Variants in PMS1 observed in about 807,000 individuals in gnomAD.
PMS1 encodes PMS1 protein homolog 1.
Under a neutral mutation model 93.1 loss-of-function variants are expected in PMS1, and 79 were observed. The ratio of observed to expected loss-of-function variants is 0.85; its 90% CI spans 0.71 to 1.02. PMS1 has a LOEUF of 1.02. Ranked by LOEUF, PMS1 falls within the 50% of genes least tolerant of loss-of-function variation. The probability of loss-of-function intolerance (pLI) is 0.00; values close to 1 mark genes in which losing one functional copy is unlikely to be tolerated. For missense variants in PMS1, 1,064 were observed against 1,085.3 expected, an observed-to-expected ratio of 0.98 and a Z score of 0.28; for synonymous variants, 335 against 363.4, an observed-to-expected ratio of 0.92 and a Z score of 0.89.
intron 9 of PMS1, among the ~76,000 whole-genome samples, chr2:189,856,686 T>A (rs1444900027): frequency 6.6e-6 from 1 of 152,058 alleles, no homozygotes; most frequent in Non-Finnish European, 1.5e-5. Context: ...TGTCTGAGAA[T>A]AGGAAAAAAC....
rs765497845 is a variant in PMS1 at position 189,818,196 on chromosome 2, T to G, written c.582+16T>G. On this transcript the variant is annotated intron_variant, in intron 5 of 12. Transcript: ENST00000441310. ...ACATAACAAGGTAAACATTATTTTA[T>G]CTTTATAAGTTTCTGGGTATATGAT... is the stretch of plus-strand genomic sequence containing the variant. 2.0e-6 allele frequency: 3 copies of G among 1,501,956 alleles called. No individual in the cohort carries two copies. The South Asian group carries it at 3.4e-5, about 17-fold the overall frequency. The allele number at this position is 1,501,956 out of a possible 1,614,324, so 93.0% of individuals were successfully genotyped here. A position where few individuals can be genotyped will look rare whatever the true frequency, so the allele number is the denominator to read the frequency against.
At chr2:189,845,405 A>G (rs1021886928) in intron 6 of PMS1, among the ~76,000 whole-genome samples, 2 of 151,924 alleles carry the variant, frequency 1.3e-5, no homozygotes, top group Non-Finnish European at 2.9e-5. Context: ...AAAATTTATC[A>G]TGTTTTTCTT....
At chr2:189,814,012 G>A (rs976232541) in intron 4 of PMS1, among the ~76,000 whole-genome samples, 5 of 152,104 alleles carry the variant, frequency 3.3e-5, no homozygotes, top group Admixed American at 1.3e-4. Flanking sequence ...TATAGATTCT[G>A]GTGTGTGTGT....
intron 5 of PMS1, among the ~76,000 whole-genome samples, chr2:189,834,867 A>G (rs1233244): frequency 0.018 from 2,700 of 152,176 alleles, 78 homozygotes; most frequent in African/African-American, 0.061. Flanking sequence ...GTAGCAAGGA[A>G]CACAGGTGCA....
intron 1 of PMS1, 23 bp from the exon 2 acceptor site, chr2:189,791,767 C>G (rs765411768): frequency 1.9e-6 from 3 of 1,597,010 alleles, no homozygotes; most frequent in Admixed American, 1.7e-5. Flanking sequence ...ACAATTCTTA[C>G]AAGTTGCATT....
At chr2:189,837,164 G>GTTT (rs112928963) in intron 5 of PMS1, among the ~76,000 whole-genome samples, 5 of 143,516 alleles carry the variant, frequency 3.5e-5, no homozygotes, top group Middle Eastern at 3.7e-3. Context: ...TAAGTTTGGT[G>GTTT]TTTTTTTTTT....
chr2:189,808,814 T>G (rs1245098658), intron 4 of PMS1, among the ~76,000 whole-genome samples: 2 of 152,178 alleles, frequency 1.3e-5, no homozygotes, highest in Non-Finnish European at 2.9e-5. Context: ...TTTTTTAAAC[T>G]AAAAAGAAAA....
At chr2:189,791,615 C>CAA (rs1197953377) in intron 1 of PMS1, 175 bp from the exon 2 acceptor site, 407 of 410,762 alleles carry the variant, frequency 9.9e-4, no homozygotes, top group East Asian at 1.4e-3. Context: ...ATTTCATCTC[C>CAA]AAAAAAAAAA....
chr2:189,788,363 C>T (rs1383917164), intron 1 of PMS1, among the ~76,000 whole-genome samples: 4 of 152,186 alleles, frequency 2.6e-5, no homozygotes, highest in Admixed American at 2.6e-4. Context: ...ACTTATATGC[C>T]AAACACTGTA....
At chr2:189,844,903 G>A (rs1002641600) in intron 6 of PMS1, among the ~76,000 whole-genome samples, 14 of 151,178 alleles carry the variant, frequency 9.3e-5, no homozygotes, top group African/African-American at 3.4e-4. Flanking sequence ...TGTCACCCAG[G>A]CTGGAGTGCA....
rs757185669 is a variant in PMS1, at chr2:189,844,009, C to T, written c.628C>T (p.Leu210Phe). The T allele has an allele frequency of 3.7e-6, 6 of 1,614,002 alleles. No individual in the cohort carries two copies. The highest frequency in any genetic ancestry group is 5.1e-6 in the Non-Finnish European group (6 of 1,179,948). ...KSRVSDHKMA[L>F]MSVLGTAVMN... ...CAGAGTATCAGATCACAAGATGGCT[C>T]TCATGTCAGTTCTGGGGACTGCTGT... Residue 210 changes from leucine to phenylalanine, a missense_variant, in exon 6 of 13, where the codon CTC becomes TTC. Coordinates refer to ENST00000441310, the MANE Select transcript of PMS1 (RefSeq NM_000534.5).
intron 5 of PMS1, among the ~76,000 whole-genome samples, chr2:189,819,776 G>T (rs1191868269): frequency 6.6e-6 from 1 of 152,054 alleles, no homozygotes; most frequent in Non-Finnish European, 1.5e-5. Flanking sequence ...ATCTCTGTTG[G>T]ATGCAGAGTT....
rs2106461341 is a variant in PMS1 at position 189,854,482 on chromosome 2, G to A, written c.1210G>A (p.Asp404Asn). 1 of 1,613,594 alleles carries A rather than the reference G, an allele frequency of 6.2e-7. No homozygotes were observed. Residue 404 changes from aspartate to asparagine, a missense_variant, in exon 9 of 13, where the codon GAT (aspartate) becomes AAT (asparagine). Coordinates refer to ENST00000441310, the MANE Select transcript of PMS1 (RefSeq NM_000534.5). ...MHNDESGKNT[D>N]DCLNHQISIG... ...TAATGATGAATCTGGAAAAAACACTGATGATTGTTTAAATCACCAGATAAG... is the reference window on the plus strand; with the variant it reads ...TAATGATGAATCTGGAAAAAACACTAATGATTGTTTAAATCACCAGATAAG...
At chr2:189,868,561 T>G (rs1196562630) in intron 11 of PMS1, among the ~76,000 whole-genome samples, 1 of 152,212 alleles carries the variant, frequency 6.6e-6, no homozygotes, top group East Asian at 1.9e-4. Context: ...CTTCTGTTAC[T>G]TTCTCTTCAT....
rs142159998 is a variant in PMS1 at position 189,877,284 on chromosome 2, C to T, written c.2647C>T (p.Arg883Cys). ...TCCCTTTGGACAGGGAGAAGCAGTG[C>T]GTCTATCCAGACAATTACCCATGTA... ...VISYLEGEAV[R>C]LSRQLPMYLS... Residue 883 changes from arginine (R) to cysteine (C), a missense_variant, in exon 13 of 13, where the codon CGT becomes TGT. Coordinates refer to ENST00000441310, the MANE Select transcript of PMS1 (RefSeq NM_000534.5). 2.4e-4 allele frequency: 388 copies of T among 1,613,210 alleles called. No homozygotes were observed. The highest frequency in any genetic ancestry group is 2.7e-4 in the Admixed American group (16 of 60,012).
intron 5 of PMS1, among the ~76,000 whole-genome samples, chr2:189,822,127 G>T (rs1161280300): frequency 6.6e-6 from 1 of 152,186 alleles, no homozygotes; most frequent in Non-Finnish European, 1.5e-5. Flanking sequence ...CGTTGGCACG[G>T]GACATGTGGG....
At chr2:189,807,307 G>A (rs80318953) in intron 4 of PMS1, among the ~76,000 whole-genome samples, 3 of 152,098 alleles carry the variant, frequency 2.0e-5, no homozygotes, top group Non-Finnish European at 4.4e-5. Context: ...TTTATTTGAT[G>A]TAGAATGATA....
chr2:189,828,780 T>A (rs1303339857), intron 5 of PMS1, among the ~76,000 whole-genome samples: 1 of 151,740 alleles, frequency 6.6e-6, no homozygotes, highest in African/African-American at 2.4e-5. Context: ...TAAGTCGCAA[T>A]GGTCAAAACC....
chr2:189,871,651 A>T (rs1295613788), intron 11 of PMS1, among the ~76,000 whole-genome samples: 1 of 152,176 alleles, frequency 6.6e-6, no homozygotes, highest in Admixed American at 6.6e-5. Context: ...TGAGCTTTCA[A>T]ACTCTTCCAG....
Sources: gnomAD v4.1 joint callset for allele counts (sites outside exome capture counted in the v4.1 genomes callset) on GRCh38, gnomAD v4.1.1 for gene constraint, MANE v1.5 for transcripts, NCBI Gene and HGNC (gene_info 2026-07-23, HGNC 2026-07-21) for gene names.